SEMA4F: variants seen among roughly 807,000 people sequenced by gnomAD.
SEMA4F encodes the protein semaphorin-4F.
A neutral mutation model predicts 78.4 loss-of-function variants in SEMA4F; 51 were observed. The observed-to-expected ratio is 0.65, with a 90% CI of 0.52 to 0.82. SEMA4F has a LOEUF of 0.82. Ranked by LOEUF, SEMA4F falls within the 40% of genes least tolerant of loss-of-function variation. The pLI is 0.00. For missense variants in SEMA4F, 938 were observed against 1,014.4 expected (o/e 0.92, Z 1.02); for synonymous variants, 418 against 408.7 (o/e 1.02, Z -0.27).
the SEMA4F span, among the ~76,000 whole-genome samples, chr2:74,699,242 G>A: frequency 6.6e-6 from 1 of 152,178 alleles, no homozygotes; most frequent in African/African-American, 2.4e-5. Context: ...GCTGAAATCT[G>A]TCTTTTCCAA....
chr2:74,689,555 A>G, the SEMA4F span, among the ~76,000 whole-genome samples: 1 of 152,234 alleles, frequency 6.6e-6, no homozygotes, highest in Non-Finnish European at 1.5e-5. Flanking sequence ...ATACTTCTAA[A>G]GATTTTTATT....
intron 4 of SEMA4F, among the ~76,000 whole-genome samples, chr2:74,662,184 C>G (rs182491916): frequency 2.0e-5 from 3 of 152,262 alleles, no homozygotes; most frequent in African/African-American, 7.2e-5. Context: ...TGCCCTTGGT[C>G]GTATGATGCA....
chr2:74,663,152 A>G (rs1004306850), intron 5 of SEMA4F, among the ~76,000 whole-genome samples: 1 of 152,216 alleles, frequency 6.6e-6, no homozygotes, highest in Admixed American at 6.5e-5. Context: ...ATAAATTTGG[A>G]AAAAGTATAA....
At chr2:74,706,973 C>T in the SEMA4F span, among the ~76,000 whole-genome samples, 494 of 152,276 alleles carry the variant, frequency 3.2e-3, 4 homozygotes, top group African/African-American at 0.011. Context: ...CTCTCCTCTG[C>T]TACCTGGAAG....
chr2:74,674,553 C>G lies in SEMA4F; in HGVS notation c.878C>G (p.Ala293Gly). ...CAGAGATGGACGACGTTTTTGAAAG[C>G]TGACCTGCTCTGTCCAGGGCCTGAG... is the stretch of plus-strand genomic sequence containing the variant. ...LQQRWTTFLK[A>G]DLLCPGPEHG... is the part of the protein sequence containing the mutation. The change falls in exon 8 of 14, where the codon GCT becomes GGT. Residue 293 changes from alanine to glycine, a missense_variant. Physicochemically the swap from Ala to Gly is moderately conservative, Grantham distance 60. Coordinates refer to ENST00000357877, the MANE Select transcript of SEMA4F (RefSeq NM_004263.5). 5 of 1,614,126 alleles carry G rather than the reference C, an allele frequency of 3.1e-6. No homozygotes were observed. Among genetic ancestry groups the G allele is most frequent in the Non-Finnish European group, 4.2e-6 (5 of 1,180,024 alleles).
chr2:74,691,337 T>C, the SEMA4F span, among the ~76,000 whole-genome samples: 1 of 152,186 alleles, frequency 6.6e-6, no homozygotes, highest in Non-Finnish European at 1.5e-5. Flanking sequence ...ATGCATTACA[T>C]GGGGGAGCCC....
rs1685243412 is a variant in SEMA4F at position 74,675,751 on chromosome 2, C to T, written c.1485C>T (p.Ser495=). ...CCTTCCCCACTCCGTTTTTATAGAGCTGGCTCCTGGTTGGCTCCCGTACTG... is the reference window on the plus strand; with the variant it reads ...CCTTCCCCACTCCGTTTTTATAGAGTTGGCTCCTGGTTGGCTCCCGTACTG... ...QPVENMKLYH[S]WLLVGSRTEV... The change falls in exon 12 of 14, where the codon AGC becomes AGT. Residue 495 remains serine, a splice_region_variant and synonymous_variant. Transcript: ENST00000357877. 1.2e-6 allele frequency: 2 copies of T among 1,613,818 alleles called. No individual in the cohort carries two copies. The highest frequency in any genetic ancestry group is 1.3e-5 in the African/African-American group (1 of 74,940).
intron 4 of SEMA4F, among the ~76,000 whole-genome samples, chr2:74,660,083 G>A (rs1249201561): frequency 2.0e-5 from 3 of 152,202 alleles, no homozygotes; most frequent in Non-Finnish European, 4.4e-5. Context: ...ATTCAGTTGA[G>A]TGTCTGCTCT....
At chr2:74,663,076 CA>C in intron 5 of SEMA4F, among the ~76,000 whole-genome samples, 1 of 152,192 alleles carries the variant, frequency 6.6e-6, no homozygotes, top group Non-Finnish European at 1.5e-5. Context: ...CTCTTAACCT[CA>C]TTTTCTTTTC....
In SEMA4F at chr2:74,654,265, A is replaced by G; in HGVS notation, c.-112A>G. The G allele has an allele frequency of 7.9e-7, 1 of 1,259,394 alleles. No individual in the cohort carries two copies. Among genetic ancestry groups the G allele is most frequent in the South Asian group, 1.9e-5 (1 of 52,332 alleles). 78.0% of individuals were successfully genotyped at this position (1,259,394 alleles called of 1,614,324 possible). On this transcript the variant is annotated 5_prime_UTR_variant, in exon 1 of 14. Coordinates refer to ENST00000357877, the MANE Select transcript of SEMA4F (RefSeq NM_004263.5). ...GGGCGGTGTTTCATCCCTCAGCCTC[A>G]GGCTGAGCCGGACCGAGCCGAGAGG...
At chr2:74,674,139 A>G (rs954119512) in intron 7 of SEMA4F, among the ~76,000 whole-genome samples, 1 of 152,156 alleles carries the variant, frequency 6.6e-6, no homozygotes, top group African/African-American at 2.4e-5. Context: ...TGCCTTTGCA[A>G]CTCTGTCCAG....
At position 74,662,510 on chromosome 2, in the gene SEMA4F, A is replaced by T. The variant is rs1044878862; in HGVS notation, c.457-222A>T. 2.0e-5 allele frequency among the ~76,000 whole-genome samples: 3 copies of T among 152,152 alleles called. 1 individual carries two copies. Among genetic ancestry groups the T allele is most frequent in the Middle Eastern group, 6.3e-3 (2 of 316 alleles). ...TGGCTGCTGGGGGAATTGAGGGAAG[A>T]GGAATAAACTGATGAACAAAGGATA... On this transcript the variant is annotated intron_variant, in intron 4 of 13. Coordinates refer to ENST00000357877, the MANE Select transcript of SEMA4F (RefSeq NM_004263.5).
the SEMA4F span, among the ~76,000 whole-genome samples, chr2:74,693,801 T>A: frequency 6.6e-6 from 1 of 152,228 alleles, no homozygotes; most frequent in African/African-American, 2.4e-5. Context: ...CTCATTTTTT[T>A]TTTATTGCTA....
rs772288237 is a variant in SEMA4F, at chr2:74,683,473, T to A, written c.*3264T>A. 6.6e-6 allele frequency: 1 copy of A among 152,234 alleles called. No individual in the cohort carries two copies. The highest frequency in any genetic ancestry group is 1.5e-5 in the Non-Finnish European group (1 of 68,036). The allele number at this position is 152,234 out of a possible 1,614,324, so 9.4% of individuals were successfully genotyped here. On this transcript the variant is annotated 3_prime_UTR_variant, in exon 14 of 14. Coordinates refer to ENST00000357877, the MANE Select transcript of SEMA4F (RefSeq NM_004263.5). Reference sequence around the variant, plus strand: ...GGACGGGGATGGGAGTTTTTTCTTTTGAGTGATGTAGACCTATGCCCTGCT... The same window carrying A: ...GGACGGGGATGGGAGTTTTTTCTTTAGAGTGATGTAGACCTATGCCCTGCT...
chr2:74,665,228 CTT>C (rs11348861), intron 5 of SEMA4F, among the ~76,000 whole-genome samples: 9 of 128,664 alleles, frequency 7.0e-5, no homozygotes, highest in African/African-American at 8.8e-5. Flanking sequence ...CACTCTTTTT[CTT>C]TTTTTTTTTT....
At chr2:74,703,331 C>G in the SEMA4F span, among the ~76,000 whole-genome samples, 1 of 152,090 alleles carries the variant, frequency 6.6e-6, no homozygotes, top group Non-Finnish European at 1.5e-5. Flanking sequence ...GGTGATAGAA[C>G]AAACAAGGCA....
In SEMA4F at chr2:74,658,609, G is replaced by A. The variant is rs748973893; in HGVS notation, c.456+658G>A. 1.4e-4 allele frequency among the ~76,000 whole-genome samples: 22 copies of A among 152,352 alleles called. No homozygotes were observed. The highest frequency in any genetic ancestry group is 3.4e-3 in the Middle Eastern group (1 of 294). ...CATCACCAGCCTCAAACACAGGCAG[G>A]CTTGGGACATGTGTATCCTAATCAC... On this transcript the variant is annotated intron_variant, in intron 4 of 13. Coordinates refer to ENST00000357877, the MANE Select transcript of SEMA4F (RefSeq NM_004263.5). The surrounding 1 kb of genome is among the most constrained non-coding windows in gnomAD (Gnocchi z 4.3).
chr2:74,694,428 C>T, the SEMA4F span, among the ~76,000 whole-genome samples: 1 of 152,088 alleles, frequency 6.6e-6, no homozygotes, highest in Non-Finnish European at 1.5e-5. Context: ...AATGAGGAAC[C>T]CAGAGCTCAG....
chr2:74,675,963 C>T (rs1026862023), intron 12 of SEMA4F, 54 bp downstream of exon 12: 3 of 1,540,364 alleles, frequency 1.9e-6, no homozygotes, highest in Admixed American at 2.0e-5. Flanking sequence ...CTGTCCCATC[C>T]ATATGTCTAC....
Sources: allele counts gnomAD v4.1 joint callset (sites outside exome capture counted in the v4.1 genomes callset), GRCh38; gene constraint gnomAD v4.1.1; non-coding constraint Gnocchi (gnomAD v3.1); transcripts MANE v1.5; gene names NCBI Gene and HGNC (gene_info 2026-07-23, HGNC 2026-07-21).